XNDC1N: variants seen among roughly 807,000 people sequenced by gnomAD.
XNDC1N encodes XRCC1 N-terminal domain containing 1, N-terminal like, also known as protein XNDC1N.
chr11:71,877,407 G>C, the XNDC1N span, among the ~76,000 whole-genome samples: 1 of 152,238 alleles, frequency 6.6e-6, no homozygotes, highest in African/African-American at 2.4e-5. Flanking sequence ...GGAGGCCGAG[G>C]CATGTGGATC....
the XNDC1N span, among the ~76,000 whole-genome samples, chr11:71,884,092 T>C: frequency 2.3e-3 from 351 of 152,296 alleles, 1 homozygote; most frequent in African/African-American, 8.1e-3. Context: ...AAATTAAACA[T>C]TATTTCCTGC....
the XNDC1N span, among the ~76,000 whole-genome samples, chr11:71,926,579 T>C: frequency 6.6e-6 from 1 of 152,072 alleles, no homozygotes; most frequent in Admixed American, 6.6e-5. Flanking sequence ...AAAATAAAAG[T>C]AGATCCCTAC....
the XNDC1N span, among the ~76,000 whole-genome samples, chr11:71,880,000 A>T: frequency 6.6e-6 from 1 of 152,196 alleles, no homozygotes; most frequent in African/African-American, 2.4e-5. Flanking sequence ...ACTCTAAAGG[A>T]ATGAATTTTA....
chr11:71,910,001 C>G, the XNDC1N span, among the ~76,000 whole-genome samples: 1 of 152,072 alleles, frequency 6.6e-6, no homozygotes, highest in African/African-American at 2.4e-5. Flanking sequence ...AGAGTACGGG[C>G]AGAAGACAAC....
chr11:71,914,581 G>C, the XNDC1N span, among the ~76,000 whole-genome samples: 1 of 151,982 alleles, frequency 6.6e-6, no homozygotes, highest in Non-Finnish European at 1.5e-5. Flanking sequence ...CAGCTACTCG[G>C]GAGGCTGAGG....
chr11:71,902,692 C>A, the XNDC1N span, among the ~76,000 whole-genome samples: 3 of 152,250 alleles, frequency 2.0e-5, no homozygotes, highest in African/African-American at 7.2e-5. Flanking sequence ...ACTTCCATTT[C>A]ATTTCCAGAT....
At chr11:71,891,239 T>A in the XNDC1N span, among the ~76,000 whole-genome samples, 1 of 151,412 alleles carries the variant, frequency 6.6e-6, no homozygotes, top group South Asian at 2.1e-4. Context: ...GGGAGTCATA[T>A]CATCCTCTCT....
the XNDC1N span, among the ~76,000 whole-genome samples, chr11:71,920,836 C>A: frequency 6.6e-6 from 1 of 152,034 alleles, no homozygotes; most frequent in Non-Finnish European, 1.5e-5. Flanking sequence ...AAATTTCTTT[C>A]CTTCTGTAAT....
At chr11:71,888,738 G>A in the XNDC1N span, among the ~76,000 whole-genome samples, 2,512 of 152,290 alleles carry the variant, frequency 0.016, 63 homozygotes, top group African/African-American at 0.052. Context: ...AAGGCCTCCC[G>A]TGCTGTCGTG....
the XNDC1N span, among the ~76,000 whole-genome samples, chr11:71,911,319 C>T: frequency 1.3e-5 from 2 of 152,296 alleles, no homozygotes; most frequent in East Asian, 3.9e-4. Context: ...CAGCCTACAC[C>T]CCGCCACCTT....
chr11:71,897,581 G>C, the XNDC1N span, among the ~76,000 whole-genome samples: 3 of 152,230 alleles, frequency 2.0e-5, no homozygotes, highest in Admixed American at 2.0e-4. Context: ...TGAGACTAGA[G>C]AGAAGTAGGA....
the XNDC1N span, chr11:71,884,204 C>T: frequency 1.5e-5 from 7 of 480,438 alleles, no homozygotes; most frequent in Non-Finnish European, 2.5e-5. Context: ...CAACTACTGC[C>T]TCATTTACTA....
the XNDC1N span, among the ~76,000 whole-genome samples, chr11:71,874,234 C>T: frequency 2.0e-5 from 3 of 152,180 alleles, no homozygotes; most frequent in East Asian, 1.9e-4. Context: ...ACACAAGAAT[C>T]GCTTGAACCT....
At chr11:71,889,108 G>C in the XNDC1N span, among the ~76,000 whole-genome samples, 2 of 152,292 alleles carry the variant, frequency 1.3e-5, no homozygotes, top group African/African-American at 2.4e-5. Flanking sequence ...CTAGAAAGCT[G>C]AACTCATTGC....
chr11:71,913,018 T>C, the XNDC1N span, among the ~76,000 whole-genome samples: 2 of 151,962 alleles, frequency 1.3e-5, no homozygotes, highest in African/African-American at 4.8e-5. Context: ...ATCAGAGGGG[T>C]TGGTGTACAT....
chr11:71,923,163 G>A, the XNDC1N span: 59 of 656,316 alleles, frequency 9.0e-5, no homozygotes, highest in Non-Finnish European at 7.6e-5. Flanking sequence ...CAACCTGAGG[G>A]CAAGAGCTGT....
At chr11:71,901,075 G>T in the XNDC1N span, among the ~76,000 whole-genome samples, 4 of 152,146 alleles carry the variant, frequency 2.6e-5, no homozygotes, top group Non-Finnish European at 5.9e-5. Context: ...ACTGTGTCAA[G>T]TATGGAAAGG....
At chr11:71,888,962 C>G in the XNDC1N span, among the ~76,000 whole-genome samples, 18 of 152,164 alleles carry the variant, frequency 1.2e-4, no homozygotes, top group African/African-American at 3.6e-4. Context: ...CTGGGACCAG[C>G]CTTGGGCATC....
At chr11:71,908,223 A>C in the XNDC1N span, among the ~76,000 whole-genome samples, 2 of 151,530 alleles carry the variant, frequency 1.3e-5, no homozygotes, top group Non-Finnish European at 2.9e-5. Flanking sequence ...ATTGCTAATA[A>C]AAAGTTTTCA....
Sources: allele counts gnomAD v4.1 joint callset (sites outside exome capture counted in the v4.1 genomes callset), GRCh38; gene constraint gnomAD v4.1.1; transcripts MANE v1.5; gene names NCBI Gene and HGNC (gene_info 2026-07-23, HGNC 2026-07-21).